NEBL: variants seen among roughly 807,000 people sequenced by gnomAD.
The protein encoded by NEBL is LIM and SH3 protein 2.
Under a neutral mutation model 140.2 loss-of-function variants are expected in NEBL, and 122 were observed. The observed-to-expected ratio is 0.87, with a 90% CI of 0.75 to 1.01. NEBL has a LOEUF of 1.01. Ranked by LOEUF, NEBL falls within the 50% of genes least tolerant of loss-of-function variation. The pLI, the probability that NEBL is intolerant of heterozygous loss-of-function variation, is 0.00. For synonymous variants in NEBL, 436 were observed against 398.9 expected, an observed-to-expected ratio of 1.09 and a Z score of -1.11; for missense variants, 1,365 against 1,231.3, an observed-to-expected ratio of 1.11 and a Z score of -1.62.
intron 3 of NEBL, among the ~76,000 whole-genome samples, chr10:20,988,745 G>A (rs1837348472): frequency 6.6e-6 from 1 of 152,186 alleles, no homozygotes; most frequent in South Asian, 2.1e-4. Context: ...TTGGGCATGA[G>A]CACACTGCAA....
chr10:21,078,585 A>G (rs984859062), intron 2 of NEBL, among the ~76,000 whole-genome samples: 7 of 152,112 alleles, frequency 4.6e-5, no homozygotes, highest in African/African-American at 1.7e-4. Context: ...TTTATAAATG[A>G]CCTGTATACA....
At chr10:21,231,131 G>A (rs945973277) in intron 3 of NEBL, among the ~76,000 whole-genome samples, 7 of 152,174 alleles carry the variant, frequency 4.6e-5, no homozygotes, top group East Asian at 1.9e-4. Flanking sequence ...CTGTGTCCTC[G>A]CGATGTGCGA....
At chr10:20,885,256 C>A (rs1015186307) in intron 4 of NEBL, among the ~76,000 whole-genome samples, 14 of 151,984 alleles carry the variant, frequency 9.2e-5, no homozygotes, top group African/African-American at 3.4e-4. Context: ...TTTCTTGCCC[C>A]GCTTATTAGG....
At chr10:21,042,113 A>T (rs1332414035) in intron 2 of NEBL, among the ~76,000 whole-genome samples, 3 of 152,198 alleles carry the variant, frequency 2.0e-5, no homozygotes, top group Non-Finnish European at 4.4e-5. Flanking sequence ...CCCAACTTCC[A>T]AAGCTCTAAT....
chr10:20,839,407 G>C (rs915858471), intron 13 of NEBL, among the ~76,000 whole-genome samples: 10 of 152,114 alleles, frequency 6.6e-5, no homozygotes, highest in African/African-American at 2.4e-4. Context: ...GGCACGTGTT[G>C]TTTATGGCTG....
At chr10:21,114,539 A>G (rs2132028201) in intron 2 of NEBL, among the ~76,000 whole-genome samples, 1 of 152,216 alleles carries the variant, frequency 6.6e-6, no homozygotes, top group African/African-American at 2.4e-5. Flanking sequence ...CTCCACCTAA[A>G]TGGTGGTCTG....
intron 3 of NEBL, among the ~76,000 whole-genome samples, chr10:21,217,704 T>C (rs553590757): frequency 2.0e-5 from 3 of 152,358 alleles, no homozygotes; most frequent in Admixed American, 2.0e-4. Context: ...ATAGTATTAC[T>C]TGAAGATTCA....
intron 26 of NEBL, among the ~76,000 whole-genome samples, chr10:20,796,087 G>C (rs928838734): frequency 2.0e-5 from 3 of 152,028 alleles, no homozygotes; most frequent in Admixed American, 2.0e-4. Flanking sequence ...TTCTAGGCTG[G>C]GCACGGTGGC....
chr10:21,267,432 T>A (rs1256677092), intron 1 of NEBL, among the ~76,000 whole-genome samples: 1 of 152,238 alleles, frequency 6.6e-6, no homozygotes, highest in Non-Finnish European at 1.5e-5. Context: ...TGATGTGTCT[T>A]ATTTGGATAG....
intron 2 of NEBL, among the ~76,000 whole-genome samples, chr10:21,053,982 A>G (rs1010647200): frequency 2.0e-5 from 3 of 152,140 alleles, no homozygotes; most frequent in Non-Finnish European, 4.4e-5. Flanking sequence ...GCAGTGAGCC[A>G]AGATCACACC....
chr10:20,994,258 G>C (rs1442438488), intron 3 of NEBL, among the ~76,000 whole-genome samples: 2 of 152,126 alleles, frequency 1.3e-5, no homozygotes, highest in Admixed American at 1.3e-4. Context: ...GTCTCTCCAT[G>C]TGTAGTCAAT....
At chr10:21,056,981 T>C (rs143265801) in intron 2 of NEBL, among the ~76,000 whole-genome samples, 70 of 152,230 alleles carry the variant, frequency 4.6e-4, no homozygotes, top group Middle Eastern at 6.8e-3. Flanking sequence ...TTAAAGCTTT[T>C]TGCATATATG....
At chr10:20,936,316 G>A (rs1041143503) in intron 4 of NEBL, among the ~76,000 whole-genome samples, 1 of 152,122 alleles carries the variant, frequency 6.6e-6, no homozygotes, top group Non-Finnish European at 1.5e-5. Flanking sequence ...ATTTCCTACG[G>A]TAAAAGGGGC....
upstream of NEBL, among the ~76,000 whole-genome samples, chr10:20,897,941 G>A (rs891023262): frequency 2.6e-5 from 4 of 152,076 alleles, no homozygotes; most frequent in African/African-American, 9.7e-5. Flanking sequence ...ATGAGAAGTT[G>A]CAGTTAACAT....
At chr10:20,808,430 TGAA>T in intron 26 of NEBL, 77 bp downstream of exon 26, 1 of 1,444,216 alleles carries the variant, frequency 6.9e-7, no homozygotes, top group Non-Finnish European at 9.7e-7. Context: ...CATGCAAAAG[TGAA>T]AAGAATTTTA....
At chr10:21,241,940 G>A (rs990436998) in intron 3 of NEBL, among the ~76,000 whole-genome samples, 16 of 136,162 alleles carry the variant, frequency 1.2e-4, no homozygotes, top group South Asian at 9.4e-4. Flanking sequence ...AGAGGCTCAC[G>A]CCTGTAATCC....
intron 5 of NEBL, among the ~76,000 whole-genome samples, chr10:20,880,346 C>G (rs894366847): frequency 6.6e-6 from 1 of 152,098 alleles, no homozygotes; most frequent in Non-Finnish European, 1.5e-5. Flanking sequence ...GGTGACAGAG[C>G]GAGGCTCTGT....
At chr10:21,287,563 T>G (rs896148541) in intron 1 of NEBL, among the ~76,000 whole-genome samples, 3 of 152,146 alleles carry the variant, frequency 2.0e-5, no homozygotes, top group African/African-American at 7.2e-5. Flanking sequence ...GGGTTGAAAG[T>G]ATGTTCAACT....
At chr10:20,959,390 C>T (rs1291062612) in intron 4 of NEBL, among the ~76,000 whole-genome samples, 3 of 152,082 alleles carry the variant, frequency 2.0e-5, no homozygotes, top group Non-Finnish European at 2.9e-5. Context: ...ATAACAGACA[C>T]AATCCAGCCA....
Sources: allele counts gnomAD v4.1 joint callset (sites outside exome capture counted in the v4.1 genomes callset), GRCh38; gene constraint gnomAD v4.1.1; transcripts MANE v1.5; gene names NCBI Gene and HGNC (gene_info 2026-07-23, HGNC 2026-07-21).